Variants in USP32 observed in about 807,000 individuals in gnomAD.
The protein encoded by USP32 is ubiquitin carboxyl-terminal hydrolase 32.
Under a neutral mutation model 204.8 loss-of-function variants are expected in USP32, and 59 were observed. The observed-to-expected ratio is 0.29, with a 90% CI of 0.23 to 0.36. The LOEUF (loss-of-function observed/expected upper bound fraction) is 0.36, where lower values mean the gene tolerates loss of function less well. Ranked by LOEUF, USP32 falls within the 10% of genes least tolerant of loss-of-function variation. The probability of loss-of-function intolerance (pLI) is 1.00; values close to 1 mark genes in which losing one functional copy is unlikely to be tolerated. For missense variants in USP32, 1,160 were observed against 1,946.4 expected, an observed-to-expected ratio of 0.60 and a Z score of 7.60; for synonymous variants, 517 against 678.4, an observed-to-expected ratio of 0.76 and a Z score of 3.70.
intron 1 of USP32, among the ~76,000 whole-genome samples, chr17:60,365,205 G>A (rs2089288604): frequency 6.6e-6 from 1 of 152,070 alleles, no homozygotes; most frequent in Non-Finnish European, 1.5e-5. Flanking sequence ...TTTTAGCCGG[G>A]TGCGGTGGCT....
intron 17 of USP32, 40 bp downstream of exon 17, chr17:60,214,580 C>G: frequency 1.9e-6 from 3 of 1,573,974 alleles, no homozygotes; most frequent in Non-Finnish European, 2.6e-6. Flanking sequence ...TAAACAAATA[C>G]CAACAATCAG....
intron 14 of USP32, 128 bp from the exon 15 acceptor site, chr17:60,222,677 A>ATT (rs373799936): frequency 0.017 from 8,067 of 464,722 alleles, no homozygotes; most frequent in Non-Finnish European, 0.02. Flanking sequence ...GAAAAACTTA[A>ATT]TTTTTTTTTT....
chr17:60,402,702 A>AT (rs2089945489), intron 1 of USP32, among the ~76,000 whole-genome samples: 1 of 152,250 alleles, frequency 6.6e-6, no homozygotes, highest in South Asian at 2.1e-4. Context: ...ACTGAGTAGC[A>AT]TAAAACAATG....
intron 9 of USP32, among the ~76,000 whole-genome samples, chr17:60,263,442 A>T (rs1468913443): frequency 1.3e-5 from 2 of 152,242 alleles, no homozygotes; most frequent in Non-Finnish European, 2.9e-5. Flanking sequence ...GTCACCAGCG[A>T]ATATGGTTAA....
rs1234746285 is a variant in USP32, at chr17:60,210,399, C to G, written c.2424+614G>C. ...CGATCTTGGCTCATTGCAAACACCA[C>G]CTCCCAGGTTCAAGCGTTTCTCGTG... On this transcript the variant is annotated intron_variant, in intron 21 of 33. Transcript: ENST00000300896. Among the ~76,000 whole-genome samples, 6 of 152,094 alleles carry G rather than the reference C, an allele frequency of 3.9e-5. No individual in the cohort carries two copies. The East Asian group carries it at 9.7e-4, about 25-fold the overall frequency.
intron 1 of USP32, among the ~76,000 whole-genome samples, chr17:60,404,822 A>G (rs1368443879): frequency 1.3e-5 from 2 of 152,198 alleles, no homozygotes; most frequent in Non-Finnish European, 2.9e-5. Flanking sequence ...TGGTCTTTTT[A>G]CTTAACAGTG....
intron 18 of USP32, among the ~76,000 whole-genome samples, chr17:60,213,339 C>T (rs2085020352): frequency 6.6e-6 from 1 of 152,224 alleles, no homozygotes; most frequent in African/African-American, 2.4e-5. Context: ...CATTCCCATT[C>T]TTTGTCAGTC....
At chr17:60,191,609 A>T (rs1273366765) in intron 28 of USP32, among the ~76,000 whole-genome samples, 1 of 150,872 alleles carries the variant, frequency 6.6e-6, no homozygotes, top group Non-Finnish European at 1.5e-5. Flanking sequence ...TCCCGGGTTC[A>T]AGCAATTCTC....
intron 2 of USP32, among the ~76,000 whole-genome samples, chr17:60,307,489 T>C (rs1424528658): frequency 3.9e-5 from 6 of 152,072 alleles, no homozygotes; most frequent in African/African-American, 7.2e-5. Context: ...ACATTCTTCA[T>C]AGAGAAAGAA....
chr17:60,327,428 G>A (rs1034708097), intron 2 of USP32, among the ~76,000 whole-genome samples: 4 of 151,468 alleles, frequency 2.6e-5, no homozygotes, highest in Non-Finnish European at 5.9e-5. Flanking sequence ...GGGGGAGGCG[G>A]AGCTGGGCCT....
At chr17:60,397,919 AAGGACCT>A (rs954010011) in intron 1 of USP32, among the ~76,000 whole-genome samples, 43 of 151,934 alleles carry the variant, frequency 2.8e-4, no homozygotes, top group African/African-American at 9.2e-4. Flanking sequence ...AGAGTCTTAA[AAGGACCT>A]AGGAAATGTA....
At chr17:60,370,695 G>A (rs1462526693) in intron 1 of USP32, among the ~76,000 whole-genome samples, 8 of 150,146 alleles carry the variant, frequency 5.3e-5, no homozygotes, top group Non-Finnish European at 1.0e-4. Flanking sequence ...CCGAGAGGTC[G>A]AGGCTACAGT....
At chr17:60,420,412 A>T (rs2090101435) in intron 1 of USP32, among the ~76,000 whole-genome samples, 1 of 152,216 alleles carries the variant, frequency 6.6e-6, no homozygotes, top group East Asian at 1.9e-4. Context: ...TCACGCCTGT[A>T]ATCCTAGCAC....
chr17:60,278,039 T>C (rs1456134810), intron 5 of USP32, among the ~76,000 whole-genome samples: 1 of 151,298 alleles, frequency 6.6e-6, no homozygotes, highest in Non-Finnish European at 1.5e-5. Context: ...CCACAGTAGC[T>C]GGGAATATAC....
chr17:60,293,557 T>C (rs2087341712), intron 4 of USP32, among the ~76,000 whole-genome samples: 1 of 152,100 alleles, frequency 6.6e-6, no homozygotes, highest in Admixed American at 6.6e-5. Context: ...AAATGCTGGA[T>C]AAAACGTTAG....
At chr17:60,384,212 G>T (rs1174751043) in intron 1 of USP32, among the ~76,000 whole-genome samples, 2 of 152,200 alleles carry the variant, frequency 1.3e-5, no homozygotes, top group East Asian at 1.9e-4. Context: ...GGCCTATCTT[G>T]TTAGAAAGAT....
intron 1 of USP32, among the ~76,000 whole-genome samples, chr17:60,369,206 G>A (rs2089386920): frequency 7.3e-6 from 1 of 137,412 alleles, no homozygotes. Context: ...GTTTTAGCTG[G>A]GATGGTCTCG....
intron 25 of USP32, among the ~76,000 whole-genome samples, chr17:60,206,230 T>C (rs1165930892): frequency 2.8e-5 from 4 of 145,330 alleles, no homozygotes; most frequent in South Asian, 2.1e-4. Flanking sequence ...GGTGGGAGGA[T>C]TGCTTCAGCC....
chr17:60,326,332 C>G (rs1008556569), intron 2 of USP32, among the ~76,000 whole-genome samples: 8 of 150,818 alleles, frequency 5.3e-5, no homozygotes, highest in Admixed American at 1.3e-4. Context: ...CCTTTTGAGA[C>G]AGAGTTTCGC....
Sources: allele counts gnomAD v4.1 joint callset (sites outside exome capture counted in the v4.1 genomes callset), GRCh38; gene constraint gnomAD v4.1.1; transcripts MANE v1.5; gene names NCBI Gene and HGNC (gene_info 2026-07-23, HGNC 2026-07-21).